FRMD4B: variants seen among roughly 807,000 people sequenced by gnomAD.
FRMD4B encodes FERM domain-containing protein 4B.
Under a neutral mutation model 141.5 loss-of-function variants are expected in FRMD4B, and 74 were observed. That is an observed-to-expected ratio of 0.52 (90% CI 0.43 to 0.63). The LOEUF (loss-of-function observed/expected upper bound fraction) is 0.63. FRMD4B is among the 30% of genes least tolerant of loss of function. FRMD4B has a pLI of 0.00. For synonymous variants in FRMD4B, 506 were observed against 467.9 expected (o/e 1.08, Z -1.05); for missense variants, 1,366 against 1,253.4 (o/e 1.09, Z -1.36).
chr3:69,308,153 C>G (rs1701454849), intron 3 of FRMD4B, among the ~76,000 whole-genome samples: 1 of 152,142 alleles, frequency 6.6e-6, no homozygotes, highest in African/African-American at 2.4e-5. Flanking sequence ...GATGACAGCT[C>G]CCTTTTATTG....
chr3:69,523,093 A>G (rs1468087083), intron 1 of FRMD4B, among the ~76,000 whole-genome samples: 2 of 150,442 alleles, frequency 1.3e-5, no homozygotes, highest in African/African-American at 2.4e-5. Context: ...TTTTCTGACC[A>G]CCTGGAGAGG....
At chr3:69,185,932 C>T (rs2092761773) in intron 19 of FRMD4B, among the ~76,000 whole-genome samples, 1 of 151,606 alleles carries the variant, frequency 6.6e-6, no homozygotes, top group African/African-American at 2.4e-5. Context: ...GTCCCAGCTA[C>T]TTGGAAGGCT....
At chr3:69,214,083 T>G (rs989039243) in intron 11 of FRMD4B, among the ~76,000 whole-genome samples, 6 of 152,118 alleles carry the variant, frequency 3.9e-5, no homozygotes, top group African/African-American at 1.4e-4. Context: ...CTTTCCCTAA[T>G]CTACCCTTTT....
intron 1 of FRMD4B, among the ~76,000 whole-genome samples, chr3:69,530,553 C>G (rs1700996783): frequency 6.6e-6 from 1 of 151,928 alleles, no homozygotes; most frequent in African/African-American, 2.4e-5. Flanking sequence ...TCAAATAAAA[C>G]CTCTTTTTTT....
chr3:69,507,888 A>T (rs1396959155), intron 1 of FRMD4B, among the ~76,000 whole-genome samples: 1 of 152,178 alleles, frequency 6.6e-6, no homozygotes, highest in Non-Finnish European at 1.5e-5. Context: ...TAAGGTTTTT[A>T]AAAAATCCTA....
chr3:69,197,462 C>T (rs902439472), intron 12 of FRMD4B, among the ~76,000 whole-genome samples: 3 of 151,996 alleles, frequency 2.0e-5, no homozygotes, highest in Admixed American at 6.6e-5. Flanking sequence ...TAGATTTGGC[C>T]GGCTCTGACA....
chr3:69,471,025 C>G (rs756242614), intron 1 of FRMD4B, among the ~76,000 whole-genome samples: 5 of 152,174 alleles, frequency 3.3e-5, no homozygotes, highest in African/African-American at 1.2e-4. Context: ...TAATTCTACA[C>G]GCAGTAAACA....
At chr3:69,227,569 G>A (rs2093266217) in intron 7 of FRMD4B, among the ~76,000 whole-genome samples, 1 of 151,856 alleles carries the variant, frequency 6.6e-6, no homozygotes, top group Non-Finnish European at 1.5e-5. Context: ...GGCTGAGGCA[G>A]GAGAATCACT....
At chr3:69,479,827 G>A (rs949245830) in intron 1 of FRMD4B, among the ~76,000 whole-genome samples, 2 of 152,138 alleles carry the variant, frequency 1.3e-5, no homozygotes, top group Non-Finnish European at 2.9e-5. Context: ...CATTCACCCC[G>A]TTACTTTCAG....
At chr3:69,386,931 G>A (rs1349111989), upstream of FRMD4B, among the ~76,000 whole-genome samples, 1 of 152,200 alleles carries the variant, frequency 6.6e-6, no homozygotes, top group Admixed American at 6.5e-5. Flanking sequence ...CTCTGGACAT[G>A]TCTAACCTCA....
chr3:69,361,120 A>G (rs1703460216), intron 1 of FRMD4B, among the ~76,000 whole-genome samples: 1 of 152,160 alleles, frequency 6.6e-6, no homozygotes, highest in South Asian at 2.1e-4. Context: ...TATGCATTTA[A>G]ATATAATTTA....
intron 2 of FRMD4B, among the ~76,000 whole-genome samples, chr3:69,407,210 CT>C (rs1704663747): frequency 6.6e-6 from 1 of 152,114 alleles, no homozygotes; most frequent in South Asian, 2.1e-4. Context: ...CTATATACAT[CT>C]TTTACTGAAT....
chr3:69,293,952 C>T (rs1236535747), intron 4 of FRMD4B, among the ~76,000 whole-genome samples: 1 of 145,386 alleles, frequency 6.9e-6, no homozygotes, highest in Non-Finnish European at 1.5e-5. Flanking sequence ...GAAACAAATG[C>T]TACAAAAATG....
intron 1 of FRMD4B, among the ~76,000 whole-genome samples, chr3:69,476,208 T>C (rs1159302077): frequency 6.6e-6 from 1 of 151,706 alleles, no homozygotes; most frequent in Non-Finnish European, 1.5e-5. Flanking sequence ...TTTAGTTTAA[T>C]TAGATCCCAT....
In FRMD4B at chr3:69,451,285, ACAAT is replaced by A. The variant is rs1258644837; in HGVS notation, c.-128-18528_-128-18525del. Among the ~76,000 whole-genome samples, 55 of 152,022 alleles carry A rather than the reference ACAAT, an allele frequency of 3.6e-4. No individual in the cohort carries two copies. In the East Asian group the frequency reaches 0.01, roughly 28 times the overall value. ...ATCCTGCACCAAAACAAACAAACAA[ACAAT>A]AAACCACTACCTACATTTGTGAGAC... is the stretch of plus-strand genomic sequence containing the variant. On this transcript the variant is annotated intron_variant, in intron 1 of 5. Transcript: ENST00000459638.
At chr3:69,395,731 G>A (rs995083810) in intron 2 of FRMD4B, among the ~76,000 whole-genome samples, 6 of 152,140 alleles carry the variant, frequency 3.9e-5, no homozygotes, top group African/African-American at 1.2e-4. Flanking sequence ...TTGTATACAA[G>A]AAGAGCAAGC....
chr3:69,266,107 A>G (rs1337856262), intron 5 of FRMD4B, among the ~76,000 whole-genome samples: 1 of 151,758 alleles, frequency 6.6e-6, no homozygotes, highest in African/African-American at 2.4e-5. Flanking sequence ...GAGGCTGATG[A>G]GGGAGAATCA....
At chr3:69,404,977 A>C (rs1704626332) in intron 2 of FRMD4B, among the ~76,000 whole-genome samples, 1 of 152,326 alleles carries the variant, frequency 6.6e-6, no homozygotes, top group Admixed American at 6.5e-5. Flanking sequence ...ATAGCCTAGA[A>C]GAGAAATGTG....
At chr3:69,347,356 G>T (rs1702982261) in intron 1 of FRMD4B, among the ~76,000 whole-genome samples, 1 of 152,136 alleles carries the variant, frequency 6.6e-6, no homozygotes, top group South Asian at 2.1e-4. Flanking sequence ...CCTAGAAAGA[G>T]ACTTAGACTC....
Sources: gnomAD v4.1 joint callset for allele counts (sites outside exome capture counted in the v4.1 genomes callset) on GRCh38, gnomAD v4.1.1 for gene constraint, MANE v1.5 for transcripts, NCBI Gene and HGNC (gene_info 2026-07-23, HGNC 2026-07-21) for gene names.